Variants in ZCCHC2 observed in about 807,000 individuals in gnomAD.
ZCCHC2 encodes zinc finger CCHC domain-containing protein 2.
ZCCHC2 carries 39 observed loss-of-function variants against 103.6 expected under a neutral mutation model. The ratio of observed to expected loss-of-function variants is 0.38; its 90% CI spans 0.29 to 0.49. ZCCHC2 has a LOEUF of 0.49. ZCCHC2 is among the 20% of genes least tolerant of loss of function. The pLI is 0.96. For missense variants in ZCCHC2, 1,483 were observed against 1,491.0 expected, an observed-to-expected ratio of 0.99 and a Z score of 0.09; for synonymous variants, 687 against 608.9, an observed-to-expected ratio of 1.13 and a Z score of -1.89.
At chr18:62,540,526 A>C (rs1207443317) in intron 2 of ZCCHC2, among the ~76,000 whole-genome samples, 3 of 151,860 alleles carry the variant, frequency 2.0e-5, no homozygotes, top group African/African-American at 7.3e-5. Flanking sequence ...AATGTTGAAC[A>C]TAAGTGTTTA....
At position 62,523,049 on chromosome 18, in the gene ZCCHC2, C is replaced by G. The variant is rs1467945453; in HGVS notation, c.-376C>G. On this transcript the variant is annotated 5_prime_UTR_variant, in exon 1 of 14. Coordinates refer to ENST00000269499, the MANE Select transcript of ZCCHC2 (RefSeq NM_017742.6). ...CACCTCCTCACCCAGCCGCTCCGTCCTCACCGGCTCGCGAGGGAACAGCTC... is the reference window on the plus strand; with the variant it reads ...CACCTCCTCACCCAGCCGCTCCGTCGTCACCGGCTCGCGAGGGAACAGCTC... 1 of 152,402 alleles carries G rather than the reference C, an allele frequency of 6.6e-6. No homozygotes were observed. Among genetic ancestry groups the G allele is most frequent in the East Asian group, 1.9e-4 (1 of 5,196 alleles). 9.4% of individuals were successfully genotyped at this position (152,402 alleles called of 1,614,324 possible). A position where few individuals can be genotyped will look rare whatever the true frequency, so the allele number is the denominator to read the frequency against.
Position 62,575,237 on chromosome 18 carries a change from A to G in ZCCHC2, c.3156A>G (p.Pro1052=), listed in dbSNP as rs1916788006. The part of the protein sequence containing the change: ...MYRVPSFFTL[P]SICNGSYLNQ... ...GAGTCCCTTCATTCTTTACTCTGCC[A>G]TCCATTTGCAATGGCAGCTACCTCA... Residue 1052 remains proline, a synonymous_variant, in exon 13 of 14, where the codon CCA becomes CCG. Coordinates refer to ENST00000269499, the MANE Select transcript of ZCCHC2 (RefSeq NM_017742.6). 6.2e-7 allele frequency: 1 copy of G among 1,613,986 alleles called. No individual in the cohort carries two copies. The highest frequency in any genetic ancestry group is 8.5e-7 in the Non-Finnish European group (1 of 1,179,890).
chr18:62,528,962 C>G (rs570200262), intron 1 of ZCCHC2, among the ~76,000 whole-genome samples: 1 of 152,094 alleles, frequency 6.6e-6, no homozygotes, highest in South Asian at 2.1e-4. Context: ...GAGTTAGAGA[C>G]CAGCCTGACC....
rs375909728 is a variant in ZCCHC2, at chr18:62,565,060, T to G, written c.1810T>G (p.Ser604Ala). 6.2e-7 allele frequency: 1 copy of G among 1,613,668 alleles called. No individual in the cohort carries two copies. Among genetic ancestry groups the G allele is most frequent in the Non-Finnish European group, 8.5e-7 (1 of 1,179,660 alleles). Residue 604 changes from serine (S) to alanine (A), a missense_variant, in exon 11 of 14, where the codon TCC becomes GCC. Physicochemically the swap from Ser to Ala is moderately conservative, Grantham distance 99. Transcript: ENST00000269499. ...TAGTAGAATAAATGGTATTAGACTC[T>G]CCACTCCTCAGCATGCCCATGGTGG... The part of the protein sequence containing the change: ...LNSRINGIRL[S>A]TPQHAHGGTV...
At chr18:62,566,528 G>A (rs2145526276) in intron 11 of ZCCHC2, among the ~76,000 whole-genome samples, 1 of 152,272 alleles carries the variant, frequency 6.6e-6, no homozygotes, top group Non-Finnish European at 1.5e-5. Flanking sequence ...TTTCCATACT[G>A]CTGCCGTGTT....
At chr18:62,583,601 G>A (rs55766708) in intron 14 of ZCCHC2, among the ~76,000 whole-genome samples, 20,546 of 152,010 alleles carry the variant, frequency 0.14, 1,850 homozygotes, top group African/African-American at 0.25. Context: ...ACCATATGGA[G>A]GCAAGCTGTG....
chr18:62,574,466 T>C lies in ZCCHC2; in HGVS notation c.2385T>C (p.Ile795=), dbSNP rs34413962. 0.066 allele frequency: 107,179 copies of C among 1,613,896 alleles called. 4,121 individuals are homozygous for C. The highest frequency in any genetic ancestry group is 0.13 in the Middle Eastern group (780 of 6,062). ...HLELLASPLP[I]PSTFLPHSST... is the part of the protein sequence containing the mutation. ...AGTTACTGGCTTCCCCTTTACCTAT[T>C]CCATCAACCTTCCTTCCACACAGTA... The change falls in exon 13 of 14, where the codon ATT becomes ATC. Residue 795 remains isoleucine (I), a synonymous_variant. Coordinates refer to ENST00000269499, the MANE Select transcript of ZCCHC2 (RefSeq NM_017742.6).
At chr18:62,554,111 G>T (rs1364442714) in intron 5 of ZCCHC2, among the ~76,000 whole-genome samples, 2 of 152,200 alleles carry the variant, frequency 1.3e-5, no homozygotes, top group Non-Finnish European at 2.9e-5. Context: ...GATGTAGGGA[G>T]TATGGCGGGA....
Position 62,574,641 on chromosome 18 carries a change from C to A in ZCCHC2, c.2560C>A (p.Pro854Thr). 1 of 1,613,998 alleles carries A rather than the reference C, an allele frequency of 6.2e-7. No homozygotes were observed. The highest frequency in any genetic ancestry group is 8.5e-7 in the Non-Finnish European group (1 of 1,179,900). ...PNTAFIPIHNPGSFPGSPVAT... is the reference protein window; with the variant it reads ...PNTAFIPIHNTGSFPGSPVAT... ...CACTGCCTTTATTCCTATCCATAAC[C>A]CAGGTAGTTTCCCAGGCTCTCCTGT... is the stretch of plus-strand genomic sequence containing the variant. Residue 854 changes from proline to threonine, a missense_variant, in exon 13 of 14, where the codon CCA (proline) becomes ACA (threonine). Pro to Thr is a conservative substitution (Grantham distance 38, BLOSUM62 -1). Around this residue, in one of 3 missense-constraint regions of ZCCHC2, gnomAD observed 884 missense variants for 907.5 expected, o/e 0.97. Coordinates refer to ENST00000269499, the MANE Select transcript of ZCCHC2 (RefSeq NM_017742.6).
In ZCCHC2 at chr18:62,531,882, G is replaced by C. The variant is rs1196312348; in HGVS notation, c.939+7519G>C. On this transcript the variant is annotated intron_variant, in intron 1 of 13. Coordinates refer to ENST00000269499, the MANE Select transcript of ZCCHC2 (RefSeq NM_017742.6). ...TCAGGAGGCTCCAGCTACTCAGAAGGCTGAGGTGGGAGGATCACTTGAGCC... is the reference window on the plus strand; with the variant it reads ...TCAGGAGGCTCCAGCTACTCAGAAGCCTGAGGTGGGAGGATCACTTGAGCC... 5.9e-5 allele frequency among the ~76,000 whole-genome samples: 9 copies of C among 152,260 alleles called. No homozygotes were observed. In the East Asian group the frequency reaches 1.5e-3, roughly 26 times the overall value.
At position 62,523,351 on chromosome 18, in the gene ZCCHC2, G is replaced by GCCT; in HGVS notation, c.-72_-70dup. ...CCCCGCTCCTGACGGCCGCGCCGCC[G>GCCT]CCTCGGCCCGTGCTCCACCTCGCGG... On this transcript the variant is annotated 5_prime_UTR_variant, in exon 1 of 14. Coordinates refer to ENST00000269499, the MANE Select transcript of ZCCHC2 (RefSeq NM_017742.6). The GCCT allele has an allele frequency of 1.0e-6, 1 of 987,938 alleles. No homozygotes were observed. Among genetic ancestry groups the GCCT allele is most frequent in the Non-Finnish European group, 1.2e-6 (1 of 832,922 alleles). 61.2% of individuals were successfully genotyped at this position (987,938 alleles called of 1,614,324 possible). A position where few individuals can be genotyped will look rare whatever the true frequency, so the allele number is the denominator to read the frequency against.
At chr18:62,579,153 G>A (rs148310793), downstream of ZCCHC2, among the ~76,000 whole-genome samples, 57 of 152,326 alleles carry the variant, frequency 3.7e-4, no homozygotes, top group East Asian at 0.01. Context: ...ACTCGGCTGC[G>A]TGCCAAACAC....
At chr18:62,537,928 G>T (rs1914999114) in intron 1 of ZCCHC2, among the ~76,000 whole-genome samples, 1 of 152,052 alleles carries the variant, frequency 6.6e-6, no homozygotes, top group African/African-American at 2.4e-5. Flanking sequence ...TCATGTCCTT[G>T]CCAACACTGT....
chr18:62,548,977 T>TG (rs757824846), intron 4 of ZCCHC2, among the ~76,000 whole-genome samples: 10 of 147,104 alleles, frequency 6.8e-5, no homozygotes, highest in Non-Finnish European at 1.3e-4. Context: ...CCCAGCAATT[T>TG]GGGGGGTCAG....
downstream of ZCCHC2, among the ~76,000 whole-genome samples, chr18:62,582,315 A>G (rs551870734): frequency 2.6e-5 from 4 of 152,366 alleles, no homozygotes; most frequent in East Asian, 1.9e-4. Flanking sequence ...TGGAAGAGAC[A>G]GGTAGAAGGA....
Position 62,523,448 on chromosome 18 carries a change from G to A in ZCCHC2, c.24G>A (p.Leu8=), listed in dbSNP as rs777410142. The A allele has an allele frequency of 2.7e-6, 3 of 1,100,818 alleles. No individual in the cohort carries two copies. The highest frequency in any genetic ancestry group is 3.4e-6 in the Non-Finnish European group (3 of 891,312). 68.2% of individuals were successfully genotyped at this position (1,100,818 alleles called of 1,614,324 possible). MLRMKLP[L]KPTHPAEPPP... is the part of the protein sequence containing the mutation. ...GGATGCTGAGGATGAAGCTGCCGCT[G>A]AAGCCAACGCACCCCGCGGAGCCGC... The change falls in exon 1 of 14, where the codon CTG becomes CTA. Residue 8 remains leucine, a synonymous_variant. Transcript: ENST00000269499.
Position 62,523,802 on chromosome 18 carries a change from G to A in ZCCHC2, c.378G>A (p.Glu126=), listed in dbSNP as rs1007301866. 4.5e-6 allele frequency: 7 copies of A among 1,542,894 alleles called. No individual in the cohort carries two copies. The highest frequency in any genetic ancestry group is 1.9e-4 in the Middle Eastern group (1 of 5,136). ...CGLLDLCNPL[E]LRFLGSCLED... ...TGCTGGACCTGTGCAACCCGCTGGA[G>A]CTGCGCTTCCTTGGCTCGTGCCTGG... is the stretch of plus-strand genomic sequence containing the variant. The change falls in exon 1 of 14, where the codon GAG becomes GAA. Residue 126 remains glutamate, a synonymous_variant. Transcript: ENST00000269499.
In ZCCHC2 at chr18:62,524,158, C is replaced by T. The variant is rs774690381; in HGVS notation, c.734C>T (p.Pro245Leu). The stretch of plus-strand genomic sequence containing the variant: ...GGCCCGGAAGGCGGCATTGTGGAGC[C>T]CCGGGTCGGCGGCGGGCTTGGCTCC... ...GSGPEGGIVE[P>L]RVGGGLGSRA... Residue 245 changes from proline to leucine, a missense_variant, in exon 1 of 14, where the codon CCC becomes CTC. This residue lies in a region of ZCCHC2 where 568 missense variants were observed against 525.1 expected (regional missense o/e 1.08). Coordinates refer to ENST00000269499, the MANE Select transcript of ZCCHC2 (RefSeq NM_017742.6). The T allele has an allele frequency of 3.1e-5, 48 of 1,545,974 alleles. No individual in the cohort carries two copies. The highest frequency in any genetic ancestry group is 7.9e-5 in the Admixed American group (4 of 50,834).
intron 2 of ZCCHC2, among the ~76,000 whole-genome samples, chr18:62,541,103 C>A (rs529977742): frequency 6.6e-6 from 1 of 152,320 alleles, no homozygotes; most frequent in South Asian, 2.1e-4. Flanking sequence ...TGGCGTCATC[C>A]TTTAACTTAA....
Sources: gnomAD v4.1 joint callset for allele counts (sites outside exome capture counted in the v4.1 genomes callset) on GRCh38, gnomAD v4.1.1 for gene constraint, gnomAD v4.1.1 regional missense constraint, MANE v1.5 for transcripts, NCBI Gene and HGNC (gene_info 2026-07-23, HGNC 2026-07-21) for gene names.